Variants in FAM200A observed in about 807,000 individuals in gnomAD.
FAM200A encodes protein FAM200A.
In FAM200A, 26 loss-of-function variants were observed where a neutral mutation model predicts 44.2. The observed-to-expected ratio is 0.59, with a 90% confidence interval of 0.43 to 0.82. The LOEUF (loss-of-function observed/expected upper bound fraction) is 0.82. Ranked by LOEUF, FAM200A falls within the 40% of genes least tolerant of loss-of-function variation. The pLI is 0.00. For synonymous variants in FAM200A, 206 were observed against 244.4 expected, an observed-to-expected ratio of 0.84 and a Z score of 1.47; for missense variants, 606 against 669.5, an observed-to-expected ratio of 0.91 and a Z score of 1.05.
chr7:99,553,261 C>T (rs991286124), upstream of FAM200A, among the ~76,000 whole-genome samples: 4 of 151,404 alleles, frequency 2.6e-5, no homozygotes, highest in African/African-American at 7.3e-5. Context: ...TCCAAGTCAT[C>T]GCTAAGAGTC....
chr7:99,552,026 T>C lies in FAM200A; in HGVS notation c.-272A>G, dbSNP rs750672291. 167 of 985,462 alleles carry C rather than the reference T, an allele frequency of 1.7e-4. No individual in the cohort carries two copies. The highest frequency in any genetic ancestry group is 1.9e-4 in the Non-Finnish European group (156 of 830,052). 61.0% of individuals were successfully genotyped at this position (985,462 alleles called of 1,614,324 possible). A position where few individuals can be genotyped will look rare whatever the true frequency, so the allele number is the denominator to read the frequency against. ...CCCCGCCCGGAGAAGTCTGGGATGC[T>C]GGGATAGAAGGGGTTGTGACTTTGG... On this transcript the variant is annotated 5_prime_UTR_variant, in exon 1 of 2. Coordinates refer to ENST00000449309, the MANE Select transcript of FAM200A (RefSeq NM_145111.4).
intron 1 of FAM200A, 36 bp downstream of exon 1, chr7:99,551,818 T>G (rs1470542269): frequency 1.0e-6 from 1 of 985,294 alleles, no homozygotes; most frequent in African/African-American, 1.7e-5. Context: ...CAGGGGTGTC[T>G]CCAATCCGGA....
At chr7:99,549,473 C>T (rs1474431156) in intron 1 of FAM200A, among the ~76,000 whole-genome samples, 4 of 152,124 alleles carry the variant, frequency 2.6e-5, no homozygotes, top group Admixed American at 6.6e-5. Context: ...AGTTCAACCA[C>T]TGTGGAAGAC....
chr7:99,547,879 T>G lies in FAM200A; in HGVS notation c.529A>C (p.Asn177His). ...DFVEDLLCCL[N>H]LNSHITGLDL... ...AATCCAGTTATATGTGAATTTAAATTTAAACAACATAAGAGATCCTCTACA... is the reference window on the plus strand; with the variant it reads ...AATCCAGTTATATGTGAATTTAAATGTAAACAACATAAGAGATCCTCTACA... The change falls in exon 2 of 2, where the codon AAT (asparagine) becomes CAT (histidine). Residue 177 changes from asparagine (N) to histidine (H), a missense_variant. Physicochemically the swap from Asn to His is moderately conservative, Grantham distance 68. Coordinates refer to ENST00000449309, the MANE Select transcript of FAM200A (RefSeq NM_145111.4). The G allele has an allele frequency of 6.4e-7, 1 of 1,551,188 alleles. No individual in the cohort carries two copies. The highest frequency in any genetic ancestry group is 8.7e-7 in the Non-Finnish European group (1 of 1,146,918).
upstream of FAM200A, among the ~76,000 whole-genome samples, chr7:99,553,099 A>ATATATATATATATATATATT: frequency 1.6e-5 from 1 of 61,396 alleles, no homozygotes; most frequent in African/African-American, 9.8e-5. Context: ...ATATATATAT[A>ATATATATATATATATATATT]TTTTTTTTTT....
In FAM200A at chr7:99,552,087, G is replaced by T; in HGVS notation, c.-333C>A. 1 of 985,502 alleles carries T rather than the reference G, an allele frequency of 1.0e-6. No homozygotes were observed. The highest frequency in any genetic ancestry group is 6.1e-5 in the Admixed American group (1 of 16,292). The allele number at this position is 985,502 out of a possible 1,614,324, so 61.0% of individuals were successfully genotyped here. On this transcript the variant is annotated 5_prime_UTR_variant, in exon 1 of 2. Coordinates refer to ENST00000449309, the MANE Select transcript of FAM200A (RefSeq NM_145111.4). ...CACTAGACTCACATCCAAGCCCCCT[G>T]GCCTTCAGAGCCCAGGGAAAGCGTC...
In FAM200A at chr7:99,551,887, G is replaced by A. The variant is rs140709557; in HGVS notation, c.-133C>T. ...AGGGACACCTCTGCTGGGGGACAGCGCTTGCCACCGCCGAGGCTGGCGCGA... is the reference window on the plus strand; with the variant it reads ...AGGGACACCTCTGCTGGGGGACAGCACTTGCCACCGCCGAGGCTGGCGCGA... On this transcript the variant is annotated 5_prime_UTR_variant, in exon 1 of 2. Coordinates refer to ENST00000449309, the MANE Select transcript of FAM200A (RefSeq NM_145111.4). 2.5e-5 allele frequency: 25 copies of A among 985,528 alleles called. No individual in the cohort carries two copies. In the East Asian group the frequency reaches 2.8e-3, roughly 112 times the overall value. 61.0% of individuals were successfully genotyped at this position (985,528 alleles called of 1,614,324 possible).
intron 1 of FAM200A, among the ~76,000 whole-genome samples, chr7:99,549,766 G>A (rs1802487001): frequency 6.6e-6 from 1 of 152,232 alleles, no homozygotes; most frequent in South Asian, 2.1e-4. Flanking sequence ...GGATGAAGTT[G>A]GAAACCATCA....
rs146034331 is a variant in FAM200A, at chr7:99,547,988, A to G, written c.420T>C (p.Phe140=). 9.9e-5 allele frequency: 153 copies of G among 1,551,498 alleles called. No homozygotes were observed. The African/African-American group carries it at 1.8e-3, about 18-fold the overall frequency. Residue 140 remains phenylalanine, a synonymous_variant, in exon 2 of 2, where the codon TTT becomes TTC. Transcript: ENST00000449309. ...CAGTGCTCTCATCGAGTTGGATTGC[A>G]AAGTCTATACCGGACTGCAGCCGTG... ...LITRLQSGID[F]AIQLDESTDI... is the part of the protein sequence containing the mutation.
chr7:99,548,298 T>TGG lies in FAM200A; in HGVS notation c.109_110insCC (p.Gln37ProfsTer8). On this transcript the variant is annotated frameshift_variant, in exon 2 of 2. Coordinates refer to ENST00000449309, the MANE Select transcript of FAM200A (RefSeq NM_145111.4). LOFTEE classifies it high-confidence loss of function. Reference sequence around the variant, plus strand: ...TGACTCTACTTTGTTTCTTTCCTTTTGAAAATGGTCTTCTTCATCTTCCTC... The same window carrying TGG: ...TGACTCTACTTTGTTTCTTTCCTTTTGGGAAAATGGTCTTCTTCATCTTCCTC... 1.9e-6 allele frequency: 3 copies of TGG among 1,614,194 alleles called. No homozygotes were observed. Among genetic ancestry groups the TGG allele is most frequent in the Middle Eastern group, 1.6e-4 (1 of 6,062 alleles).
upstream of FAM200A, among the ~76,000 whole-genome samples, chr7:99,556,815 C>T (rs1802693815): frequency 6.6e-6 from 1 of 152,174 alleles, no homozygotes; most frequent in Non-Finnish European, 1.5e-5. Flanking sequence ...ACGGGCGGAT[C>T]ACCCGAGGTC....
chr7:99,556,590 A>T (rs1281219701), upstream of FAM200A, among the ~76,000 whole-genome samples: 1 of 152,182 alleles, frequency 6.6e-6, no homozygotes, highest in African/African-American at 2.4e-5. Context: ...CTATGCTGAT[A>T]CCATACCATC....
At position 99,547,200 on chromosome 7, in the gene FAM200A, A is replaced by ATC. The variant is rs1802408063; in HGVS notation, c.1207_1208insGA (p.Leu403Ter). The change falls in exon 2 of 2, where the codon TTG (leucine) becomes TGATG (stop). Residue 403 changes from leucine to a stop codon, truncating the protein, a stop_gained and frameshift_variant. Coordinates refer to ENST00000449309, the MANE Select transcript of FAM200A (RefSeq NM_145111.4). LOFTEE classifies it high-confidence loss of function. ...AATAATGTTCTCTTCGATGTGTTGC[A>ATC]ATAATGTTGGAAACATATAGTAGCT... ...RPSYYMFPTLLQHIEENIINE... is the reference protein window; with the variant it reads ...RPSYYMFPTL 2 of 1,549,564 alleles carry ATC rather than the reference A, an allele frequency of 1.3e-6. No homozygotes were observed. The highest frequency in any genetic ancestry group is 1.7e-6 in the Non-Finnish European group (2 of 1,146,502).
At chr7:99,553,080 T>TACACAC (rs1412859238), upstream of FAM200A, among the ~76,000 whole-genome samples, 5 of 92,566 alleles carry the variant, frequency 5.4e-5, no homozygotes, top group African/African-American at 1.9e-4. Context: ...CATATATATA[T>TACACAC]ATATATATAT....
At position 99,547,400 on chromosome 7, in the gene FAM200A, T is replaced by G. The variant is rs1228512487; in HGVS notation, c.1008A>C (p.Glu336Asp). 6.4e-7 allele frequency: 1 copy of G among 1,551,108 alleles called. No individual in the cohort carries two copies. The change falls in exon 2 of 2, where the codon GAA becomes GAC. Residue 336 changes from glutamate (E) to aspartate (D), a missense_variant. By Grantham distance (45) the Glu-to-Asp change is conservative. Transcript: ENST00000449309. ...EKQSHLANIF[E>D]DDIWVTKLAY... ...CCAATTTTGTTACCCAAATGTCGTC[T>G]TCAAAAATATTTGCCAAATGAGATT...
chr7:99,557,242 A>C (rs73403286), intron 1 of FAM200A, among the ~76,000 whole-genome samples: 11,379 of 152,194 alleles, frequency 0.075, 604 homozygotes, highest in African/African-American at 0.16. Flanking sequence ...CACTGGAGCC[A>C]ATTGCCTGAG....
At chr7:99,548,706 G>T (rs1246230460) in intron 1 of FAM200A, among the ~76,000 whole-genome samples, 200 bp from the exon 2 acceptor site, 1 of 151,804 alleles carries the variant, frequency 6.6e-6, no homozygotes, top group Non-Finnish European at 1.5e-5. Context: ...AACCTAATGA[G>T]GTTCACATAA....
upstream of FAM200A, among the ~76,000 whole-genome samples, chr7:99,556,819 C>T (rs10253937): frequency 0.37 from 56,493 of 152,068 alleles, 16,787 homozygotes; most frequent in African/African-American, 0.82. Flanking sequence ...GCGGATCACC[C>T]GAGGTCAGGA....
At chr7:99,553,048 C>T (rs1562927013), upstream of FAM200A, among the ~76,000 whole-genome samples, 19 of 124,480 alleles carry the variant, frequency 1.5e-4, no homozygotes, top group African/African-American at 4.4e-4. Context: ...TATATACACA[C>T]ACATATATAT....
Sources: gnomAD v4.1 joint callset for allele counts (sites outside exome capture counted in the v4.1 genomes callset) on GRCh38, gnomAD v4.1.1 for gene constraint, MANE v1.5 for transcripts, NCBI Gene and HGNC (gene_info 2026-07-23, HGNC 2026-07-21) for gene names.